Variants in MAP7 observed in about 807,000 individuals in gnomAD.
MAP7 encodes microtubule associated protein 7, also known as ensconsin.
MAP7 carries 52 observed loss-of-function variants against 94.8 expected under a neutral mutation model. That is an observed-to-expected ratio of 0.55 (90% confidence interval 0.44 to 0.69). The LOEUF is 0.69. Ranked by LOEUF, MAP7 falls within the 30% of genes least tolerant of loss-of-function variation. The pLI is 0.00. For missense variants in MAP7, 940 were observed against 964.6 expected, an observed-to-expected ratio of 0.97 and a Z score of 0.34; for synonymous variants, 350 against 357.0, an observed-to-expected ratio of 0.98 and a Z score of 0.22.
chr6:136,412,820 A>G (rs983614897), intron 2 of MAP7, among the ~76,000 whole-genome samples: 1 of 152,158 alleles, frequency 6.6e-6, no homozygotes, highest in Admixed American at 6.5e-5. Context: ...AATGAGCATA[A>G]TAATCACACT....
At chr6:136,534,829 A>G (rs886293350) in intron 1 of MAP7, among the ~76,000 whole-genome samples, 1 of 152,174 alleles carries the variant, frequency 6.6e-6, no homozygotes, top group Non-Finnish European at 1.5e-5. Context: ...TCATCTGAAC[A>G]TTAAATGATT....
At chr6:136,538,551 C>T (rs1032234522) in intron 1 of MAP7, among the ~76,000 whole-genome samples, 31 of 151,652 alleles carry the variant, frequency 2.0e-4, no homozygotes, top group Admixed American at 8.5e-4. Flanking sequence ...TTTGGGAGGC[C>T]GAGGCAGGAG....
At chr6:136,479,302 T>C (rs1812010958) in intron 1 of MAP7, among the ~76,000 whole-genome samples, 1 of 152,116 alleles carries the variant, frequency 6.6e-6, no homozygotes, top group Admixed American at 6.6e-5. Context: ...TTGATAAAGG[T>C]CAACATCCTT....
chr6:136,504,357 T>TA (rs1438137698), intron 1 of MAP7, among the ~76,000 whole-genome samples: 3 of 152,002 alleles, frequency 2.0e-5, no homozygotes, highest in Non-Finnish European at 4.4e-5. Context: ...TTTTGTTTTT[T>TA]TTTTGGGGGG....
chr6:136,370,654 G>A (rs1774179025), intron 8 of MAP7, among the ~76,000 whole-genome samples: 1 of 152,076 alleles, frequency 6.6e-6, no homozygotes, highest in Non-Finnish European at 1.5e-5. Context: ...AATAAGCCAG[G>A]CACAAAAATT....
chr6:136,457,144 C>A (rs1803548233), intron 1 of MAP7, among the ~76,000 whole-genome samples: 1 of 149,958 alleles, frequency 6.7e-6, no homozygotes, highest in Admixed American at 6.6e-5. Context: ...TAAAAAGGAC[C>A]ATAAAAGGCT....
chr6:136,422,090 A>G (rs1454020515), intron 1 of MAP7, among the ~76,000 whole-genome samples: 3 of 152,260 alleles, frequency 2.0e-5, no homozygotes, highest in Non-Finnish European at 4.4e-5. Context: ...ACCACGTGGA[A>G]GCACGACTGG....
chr6:136,533,446 A>G (rs954578799), intron 1 of MAP7, among the ~76,000 whole-genome samples: 10 of 152,248 alleles, frequency 6.6e-5, no homozygotes, highest in Non-Finnish European at 1.2e-4. Flanking sequence ...GGGCATTTTA[A>G]GGATAGTGAC....
rs1239658262 is a variant in MAP7, at chr6:136,550,133, C to T, written c.67+209G>A. Among the ~76,000 whole-genome samples the T allele has an allele frequency of 1.7e-4, 26 of 150,826 alleles. No homozygotes were observed. In the East Asian group the frequency reaches 4.1e-3, roughly 24 times the overall value. On this transcript the variant is annotated intron_variant, in intron 1 of 17. Coordinates refer to ENST00000354570, the MANE Select transcript of MAP7 (RefSeq NM_003980.6). The surrounding 1 kb of genome is among the most constrained non-coding windows in gnomAD (Gnocchi z 5.1). The stretch of plus-strand genomic sequence containing the variant: ...GGGCGGCCGCAACCCCGGCCGGGGC[C>T]GAGCCGGGCTGGCCGAGCCGCGGCG...
chr6:136,478,633 G>A lies in MAP7; in HGVS notation c.68-56834C>T, dbSNP rs186677965. On this transcript the variant is annotated intron_variant, in intron 1 of 17. Transcript: ENST00000354570. ...AAAAGGAGGCATTACAACCAATATT[G>A]CAGAAATTCAAAGGATCATTAGAGG... 1.1e-3 allele frequency among the ~76,000 whole-genome samples: 170 copies of A among 152,044 alleles called. 5 individuals carry two copies. The East Asian group carries it at 0.029, about 26-fold the overall frequency.
In MAP7 at chr6:136,365,863, T is replaced by C; in HGVS notation, c.1145A>G (p.Lys382Arg). 1 of 1,614,188 alleles carries C rather than the reference T, an allele frequency of 6.2e-7. No individual in the cohort carries two copies. The highest frequency in any genetic ancestry group is 1.1e-5 in the South Asian group (1 of 91,084). ...VKREVKVEPEKKDPEKEPQKV... is the reference protein window; with the variant it reads ...VKREVKVEPERKDPEKEPQKV... Reference sequence around the variant, plus strand: ...CTGAGGTTCCTTCTCAGGATCTTTCTTCTCAGGCTCCACTTTGACTTCCCT... The same window carrying C: ...CTGAGGTTCCTTCTCAGGATCTTTCCTCTCAGGCTCCACTTTGACTTCCCT... The change falls in exon 10 of 18, where the codon AAG becomes AGG. Residue 382 changes from lysine (K) to arginine (R), a missense_variant. Coordinates refer to ENST00000354570, the MANE Select transcript of MAP7 (RefSeq NM_003980.6).
intron 1 of MAP7, among the ~76,000 whole-genome samples, chr6:136,427,770 G>A (rs1437347363): frequency 6.6e-6 from 1 of 152,190 alleles, no homozygotes; most frequent in Non-Finnish European, 1.5e-5. Context: ...AGAACACAAA[G>A]TTAGGATTTG....
chr6:136,382,051 G>A (rs1364748334), intron 6 of MAP7, among the ~76,000 whole-genome samples: 2 of 152,096 alleles, frequency 1.3e-5, no homozygotes, highest in East Asian at 3.9e-4. Flanking sequence ...TAGCCTGTAG[G>A]ACATTAAAGA....
At chr6:136,509,534 T>G (rs1436851047) in intron 1 of MAP7, among the ~76,000 whole-genome samples, 2 of 152,096 alleles carry the variant, frequency 1.3e-5, no homozygotes. Context: ...ATTACAGGCA[T>G]GTGTCACTGT....
intron 8 of MAP7, among the ~76,000 whole-genome samples, chr6:136,367,751 C>T (rs1384849589): frequency 6.6e-6 from 1 of 152,184 alleles, no homozygotes; most frequent in Non-Finnish European, 1.5e-5. Context: ...TGGGGCCTCA[C>T]AGAGCTGCTG....
At chr6:136,420,332 C>A in intron 2 of MAP7, 2 of 693,822 alleles carry the variant, frequency 2.9e-6, no homozygotes, top group Non-Finnish European at 5.2e-6. Context: ...CACCCGCTTG[C>A]CCTGCGTGCC....
At chr6:136,515,197 G>C (rs1824454285) in intron 1 of MAP7, among the ~76,000 whole-genome samples, 1 of 152,156 alleles carries the variant, frequency 6.6e-6, no homozygotes, top group Non-Finnish European at 1.5e-5. Context: ...TTTTTCTGCA[G>C]TTCCCTCACC....
intron 1 of MAP7, among the ~76,000 whole-genome samples, chr6:136,450,120 G>A (rs1481519958): frequency 6.6e-6 from 1 of 152,148 alleles, no homozygotes; most frequent in African/African-American, 2.4e-5. Flanking sequence ...GGAGGCAGAG[G>A]CTGCAGTGGG....
rs748445587 is a variant in MAP7, at chr6:136,365,727, G to A, written c.1273+8C>T. On this transcript the variant is annotated splice_region_variant and intron_variant, in intron 10 of 17. Coordinates refer to ENST00000354570, the MANE Select transcript of MAP7 (RefSeq NM_003980.6). ...GAGCACCCAGACCACAGGTGAGTTT[G>A]CTCTTACCAGGGCCAACTTCTGGTT... The A allele has an allele frequency of 9.9e-6, 16 of 1,612,478 alleles. No individual in the cohort carries two copies. The African/African-American group carries it at 1.5e-4, about 15-fold the overall frequency.
Sources: gnomAD v4.1 joint callset for allele counts (sites outside exome capture counted in the v4.1 genomes callset) on GRCh38, gnomAD v4.1.1 for gene constraint, Gnocchi (gnomAD v3.1) non-coding constraint, MANE v1.5 for transcripts, NCBI Gene and HGNC (gene_info 2026-07-23, HGNC 2026-07-21) for gene names.